Variants in TAF8 observed in about 807,000 individuals in gnomAD.
The protein encoded by TAF8 is transcription initiation factor TFIID subunit 8.
TAF8 carries 47 observed loss-of-function variants against 36.5 expected under a neutral mutation model. That is an observed-to-expected ratio of 1.29 (90% CI 1.02 to 1.64). TAF8 has a LOEUF of 1.64. TAF8 is among the 40% of genes most tolerant of loss of function. TAF8 has a pLI of 0.00. For synonymous variants in TAF8, 175 were observed against 159.5 expected (o/e 1.10, Z -0.73); for missense variants, 420 against 407.6 (o/e 1.03, Z -0.26).
chr6:42,065,928 C>T (rs950653555), intron 5 of TAF8, among the ~76,000 whole-genome samples: 1 of 152,148 alleles, frequency 6.6e-6, no homozygotes. Flanking sequence ...GAGACAGAGT[C>T]TCGCTCCTGC....
intron 5 of TAF8, among the ~76,000 whole-genome samples, chr6:42,060,304 C>T (rs1014316240): frequency 6.6e-6 from 1 of 152,090 alleles, no homozygotes; most frequent in African/African-American, 2.4e-5. Flanking sequence ...TCTCCAGTCC[C>T]CATTTTTATT....
chr6:42,079,336 A>G lies in TAF8; in HGVS notation c.*1791A>G. ...CCAATTTGTATCCTGTGGGGAGAAC[A>G]ACTTCATTCTTAACATACCCTACAA... On this transcript the variant is annotated 3_prime_UTR_variant, in exon 9 of 9. Coordinates refer to ENST00000372977, the MANE Select transcript of TAF8 (RefSeq NM_138572.3). The G allele has an allele frequency of 2.0e-6, 2 of 985,452 alleles. No homozygotes were observed. The highest frequency in any genetic ancestry group is 2.4e-6 in the Non-Finnish European group (2 of 829,930). The allele number at this position is 985,452 out of a possible 1,614,324, so 61.0% of individuals were successfully genotyped here.
intron 6 of TAF8, among the ~76,000 whole-genome samples, chr6:42,068,258 C>T (rs1362541179): frequency 2.0e-5 from 3 of 152,152 alleles, no homozygotes. Flanking sequence ...TGTGCCTAAT[C>T]GTACTTAATA....
downstream of TAF8, chr6:42,087,004 C>G (rs943930824): frequency 1.7e-6 from 1 of 574,712 alleles, no homozygotes; most frequent in East Asian, 2.9e-5. Flanking sequence ...GCCGTGCCCT[C>G]TGAAATACTC....
At chr6:42,056,086 G>C in intron 4 of TAF8, 72 bp downstream of exon 4, 1 of 1,004,994 alleles carries the variant, frequency 1.0e-6, no homozygotes, top group East Asian at 2.4e-5. Flanking sequence ...ATTGAATATG[G>C]TAGGGATTGG....
At chr6:42,075,494 G>A (rs1234900093) in intron 7 of TAF8, among the ~76,000 whole-genome samples, 1 of 152,242 alleles carries the variant, frequency 6.6e-6, no homozygotes, top group Admixed American at 6.5e-5. Flanking sequence ...TTAAACCTGA[G>A]ACTGGTGTCC....
In TAF8 at chr6:42,081,796, G is replaced by A. The variant is rs1269522003; in HGVS notation, c.*4251G>A. ...GCTGAGGTTACAGGCGTGAGCCCCC[G>A]CGCCTGGCTCTTCTGGAGTATTTTT... On this transcript the variant is annotated 3_prime_UTR_variant, in exon 9 of 9. Coordinates refer to ENST00000372977, the MANE Select transcript of TAF8 (RefSeq NM_138572.3). 1 of 152,104 alleles carries A rather than the reference G, an allele frequency of 6.6e-6. No homozygotes were observed. The highest frequency in any genetic ancestry group is 2.4e-5 in the African/African-American group (1 of 41,404). The allele number at this position is 152,104 out of a possible 1,614,324, so 9.4% of individuals were successfully genotyped here.
chr6:42,054,518 T>C (rs986784739), intron 2 of TAF8, among the ~76,000 whole-genome samples: 2 of 152,216 alleles, frequency 1.3e-5, no homozygotes, highest in Non-Finnish European at 2.9e-5. Context: ...TAACTTCTAA[T>C]CTACTTTCCA....
At chr6:42,065,946 G>T (rs988898290) in intron 5 of TAF8, among the ~76,000 whole-genome samples, 3 of 152,018 alleles carry the variant, frequency 2.0e-5, no homozygotes, top group Non-Finnish European at 4.4e-5. Context: ...TGCTGCACAG[G>T]CTGGAGTGCA....
chr6:42,063,874 G>A (rs960384495), intron 5 of TAF8: 1 of 152,056 alleles, frequency 6.6e-6, no homozygotes, highest in Admixed American at 6.6e-5. Flanking sequence ...TCCCACCTCA[G>A]CCTGCAGAGT....
intron 7 of TAF8, among the ~76,000 whole-genome samples, chr6:42,072,776 G>A (rs1443274748): frequency 6.6e-6 from 1 of 151,662 alleles, no homozygotes; most frequent in Non-Finnish European, 1.5e-5. Context: ...AGGCTGCAGT[G>A]CAGTGGCGTG....
At chr6:42,072,521 C>G (rs1393787747) in intron 7 of TAF8, among the ~76,000 whole-genome samples, 1 of 152,054 alleles carries the variant, frequency 6.6e-6, no homozygotes, top group Non-Finnish European at 1.5e-5. Context: ...ACAAACTGTT[C>G]TCTTCTTGCT....
chr6:42,067,882 A>G (rs908623204), intron 6 of TAF8, among the ~76,000 whole-genome samples: 3 of 152,024 alleles, frequency 2.0e-5, no homozygotes, highest in African/African-American at 4.8e-5. Flanking sequence ...TTTTAATGTT[A>G]TTTTTTATTC....
At chr6:42,077,424 G>C in intron 8 of TAF8, 109 bp from the exon 9 acceptor site, 1 of 1,557,204 alleles carries the variant, frequency 6.4e-7, no homozygotes, top group Non-Finnish European at 8.7e-7. Flanking sequence ...TAGTGGTTGA[G>C]TGTCCTGCAG....
chr6:42,057,636 G>A (rs1476438340), intron 5 of TAF8, 123 bp downstream of exon 5: 10 of 1,362,266 alleles, frequency 7.3e-6, no homozygotes, highest in Middle Eastern at 2.0e-4. Flanking sequence ...AACTCAGAAT[G>A]TGGCCGGGCA....
At chr6:42,073,113 T>C (rs1050391726) in intron 7 of TAF8, among the ~76,000 whole-genome samples, 2 of 152,350 alleles carry the variant, frequency 1.3e-5, no homozygotes, top group Non-Finnish European at 2.9e-5. Context: ...TTAACCTGGT[T>C]CTAGTTTCTC....
At chr6:42,066,233 G>A in intron 5 of TAF8, 79 bp from the exon 6 acceptor site, 1 of 1,565,846 alleles carries the variant, frequency 6.4e-7, no homozygotes, top group Non-Finnish European at 8.7e-7. Context: ...ACAGGGCATA[G>A]CAACAGCAAG....
At chr6:42,071,311 CTTTTTTTTTTTT>C (rs70987566) in intron 7 of TAF8, 16 of 121,710 alleles carry the variant, frequency 1.3e-4, no homozygotes, top group Admixed American at 2.8e-4. Context: ...CCTGGACATA[CTTTTTTTTTTTT>C]TTTTTTTTTT....
At chr6:42,053,638 C>G (rs139976493) in intron 2 of TAF8, among the ~76,000 whole-genome samples, 114 of 151,780 alleles carry the variant, frequency 7.5e-4, no homozygotes, top group African/African-American at 2.7e-3. Flanking sequence ...TTCTGTTATT[C>G]ATCAGACCCA....
Sources: allele counts gnomAD v4.1 joint callset (sites outside exome capture counted in the v4.1 genomes callset), GRCh38; gene constraint gnomAD v4.1.1; transcripts MANE v1.5; gene names NCBI Gene and HGNC (gene_info 2026-07-23, HGNC 2026-07-21).